Variants in PSTPIP2 observed in about 807,000 individuals in gnomAD.
PSTPIP2 encodes proline-serine-threonine phosphatase-interacting protein 2.
In PSTPIP2, 33 loss-of-function variants were observed where a neutral mutation model predicts 63.3. That is an observed-to-expected ratio of 0.52 (90% CI 0.40 to 0.70). PSTPIP2 has a LOEUF of 0.70. PSTPIP2 is among the 30% of genes least tolerant of loss of function. PSTPIP2 has a pLI of 0.00. For synonymous variants in PSTPIP2, 125 were observed against 132.7 expected (o/e 0.94, Z 0.40); for missense variants, 312 against 400.7 (o/e 0.78, Z 1.89).
At chr18:46,004,144 G>A (rs1362647822) in intron 6 of PSTPIP2, among the ~76,000 whole-genome samples, 1 of 152,112 alleles carries the variant, frequency 6.6e-6, no homozygotes, top group African/African-American at 2.4e-5. Context: ...TAAAAGGTCT[G>A]GGAAAAATCA....
At position 45,998,774 on chromosome 18, in the gene PSTPIP2, C is replaced by T. The variant is rs781281038; in HGVS notation, c.562+20G>A. On this transcript the variant is annotated intron_variant, in intron 8 of 14. Coordinates refer to ENST00000409746, the MANE Select transcript of PSTPIP2 (RefSeq NM_024430.4). The stretch of plus-strand genomic sequence containing the variant: ...ACCCCACCAGCAACCCTCCCCCATC[C>T]GTAGGAACTGCCCCCTCACCTGAGT... 15 of 1,612,380 alleles carry T rather than the reference C, an allele frequency of 9.3e-6. No homozygotes were observed. The highest frequency in any genetic ancestry group is 1.7e-5 in the Admixed American group (1 of 59,740).
chr18:46,040,035 G>A lies in PSTPIP2; in HGVS notation c.46C>T (p.Leu16Phe), dbSNP rs1410173890. The part of the protein sequence containing the change: ...FKGNFWSADI[L>F]STIGYDNIIQ... ...ATGTTGTCATAGCCGATGGTGCTGA[G>A]GATGTCTGCACTCTGGGGGAAAGAC... is the stretch of plus-strand genomic sequence containing the variant. The change falls in exon 2 of 15, where the codon CTC (leucine) becomes TTC (phenylalanine). Residue 16 changes from leucine (L) to phenylalanine (F), a missense_variant. Leu to Phe is a conservative substitution (Grantham distance 22). Transcript: ENST00000409746. The A allele has an allele frequency of 1.2e-6, 2 of 1,608,562 alleles. No individual in the cohort carries two copies. Among genetic ancestry groups the A allele is most frequent in the Admixed American group, 1.7e-5 (1 of 59,528 alleles).
At chr18:46,009,560 G>A (rs1309006110) in intron 5 of PSTPIP2, among the ~76,000 whole-genome samples, 1 of 152,106 alleles carries the variant, frequency 6.6e-6, no homozygotes, top group African/African-American at 2.4e-5. Context: ...CTGAGCACAG[G>A]TGACTTACAC....
chr18:46,014,595 C>T (rs1676897891), intron 4 of PSTPIP2, among the ~76,000 whole-genome samples: 1 of 152,034 alleles, frequency 6.6e-6, no homozygotes, highest in Non-Finnish European at 1.5e-5. Flanking sequence ...TGCCTGTGGG[C>T]CCAGCTACTC....
At chr18:45,992,815 C>G (rs569251218) in intron 10 of PSTPIP2, among the ~76,000 whole-genome samples, 1 of 152,028 alleles carries the variant, frequency 6.6e-6, no homozygotes, top group Non-Finnish European at 1.5e-5. Flanking sequence ...CTCCACCTCC[C>G]TGGCTGAAGC....
intron 1 of PSTPIP2, among the ~76,000 whole-genome samples, chr18:46,063,614 T>TACACAC (rs34948592): frequency 8.6e-4 from 128 of 148,588 alleles, no homozygotes; most frequent in African/African-American, 1.8e-3. Flanking sequence ...ACATGTGAAT[T>TACACAC]ACACACACAC....
intron 13 of PSTPIP2, 66 bp from the exon 14 acceptor site, chr18:45,988,825 T>C (rs2051494426): frequency 7.5e-7 from 1 of 1,324,532 alleles, no homozygotes; most frequent in Admixed American, 1.7e-5. Flanking sequence ...CTCACCCTTT[T>C]CAAGCCAGGG....
chr18:46,015,751 C>A, intron 4 of PSTPIP2, 152 bp downstream of exon 4: 3 of 786,564 alleles, frequency 3.8e-6, no homozygotes, highest in South Asian at 3.7e-5. Context: ...CAGCTCATTT[C>A]GAGCCTGCAG....
intron 1 of PSTPIP2, among the ~76,000 whole-genome samples, chr18:46,049,672 G>A (rs1908518954): frequency 6.6e-6 from 1 of 152,174 alleles, no homozygotes; most frequent in Admixed American, 6.5e-5. Context: ...ACTAGGTCAG[G>A]AGATTGAGAC....
chr18:46,070,969 C>T (rs1397621101), intron 1 of PSTPIP2, among the ~76,000 whole-genome samples: 1 of 152,282 alleles, frequency 6.6e-6, no homozygotes, highest in East Asian at 1.9e-4. Flanking sequence ...CATGGGATCC[C>T]CCAGTCCTCC....
intron 12 of PSTPIP2, 50 bp downstream of exon 12, chr18:45,991,852 A>G: frequency 1.3e-6 from 2 of 1,481,608 alleles, no homozygotes; most frequent in Non-Finnish European, 1.9e-6. Flanking sequence ...TCATGATAAC[A>G]ATGTTTGTTA....
At chr18:46,024,949 T>C (rs1907525828) in intron 2 of PSTPIP2, among the ~76,000 whole-genome samples, 1 of 152,216 alleles carries the variant, frequency 6.6e-6, no homozygotes, top group Admixed American at 6.5e-5. Flanking sequence ...ACTGAACATT[T>C]GTTTAAGTGG....
chr18:46,053,520 T>A (rs569125391), intron 1 of PSTPIP2, among the ~76,000 whole-genome samples: 1 of 152,328 alleles, frequency 6.6e-6, no homozygotes, highest in Non-Finnish European at 1.5e-5. Flanking sequence ...ACATCTTACA[T>A]GAGTTTTCAG....
At chr18:46,052,120 C>T (rs769188742) in intron 1 of PSTPIP2, among the ~76,000 whole-genome samples, 10 of 152,358 alleles carry the variant, frequency 6.6e-5, no homozygotes, top group Non-Finnish European at 1.0e-4. Context: ...CAAACCTCAG[C>T]AGCTCTAGAA....
In PSTPIP2 at chr18:45,985,153, G is replaced by A. The variant is rs2051454862; in HGVS notation, c.*306C>T. The A allele has an allele frequency of 2.4e-6, 1 of 418,272 alleles. No individual in the cohort carries two copies. Among genetic ancestry groups the A allele is most frequent in the African/African-American group, 2.1e-5 (1 of 47,582 alleles). 25.9% of individuals were successfully genotyped at this position (418,272 alleles called of 1,614,324 possible). On this transcript the variant is annotated 3_prime_UTR_variant, in exon 15 of 15. Coordinates refer to ENST00000409746, the MANE Select transcript of PSTPIP2 (RefSeq NM_024430.4). Reference sequence around the variant, plus strand: ...TGCCACCTCTGCTCCTCAAGTGGATGCTCCAAATCCAGAAGTGGATTTCAT... The same window carrying A: ...TGCCACCTCTGCTCCTCAAGTGGATACTCCAAATCCAGAAGTGGATTTCAT...
intron 10 of PSTPIP2, 21 bp downstream of exon 10, chr18:45,993,584 C>T: frequency 6.3e-7 from 1 of 1,591,096 alleles, no homozygotes; most frequent in Non-Finnish European, 8.6e-7. Context: ...CGACAATCCT[C>T]AGTGGATGCC....
At chr18:45,990,630 A>T (rs146556926) in intron 13 of PSTPIP2, 92 bp downstream of exon 13, 1 of 1,109,902 alleles carries the variant, frequency 9.0e-7, no homozygotes, top group Non-Finnish European at 1.3e-6. Flanking sequence ...GGGTTTCACC[A>T]TGTTGACCAG....
At chr18:45,994,846 T>C (rs2051577206) in intron 9 of PSTPIP2, among the ~76,000 whole-genome samples, 1 of 152,132 alleles carries the variant, frequency 6.6e-6, no homozygotes, top group Non-Finnish European at 1.5e-5. Context: ...TTAATAATAT[T>C]ACATTATTGT....
At chr18:46,023,406 A>T (rs890259838) in intron 3 of PSTPIP2, among the ~76,000 whole-genome samples, 4 of 152,066 alleles carry the variant, frequency 2.6e-5, no homozygotes, top group African/African-American at 9.7e-5. Context: ...ACTAAAATAC[A>T]AAATTAGCCG....
Sources: allele counts gnomAD v4.1 joint callset (sites outside exome capture counted in the v4.1 genomes callset), GRCh38; gene constraint gnomAD v4.1.1; transcripts MANE v1.5; gene names NCBI Gene and HGNC (gene_info 2026-07-23, HGNC 2026-07-21).